RUNDC3B: variants seen among roughly 807,000 people sequenced by gnomAD.
The protein encoded by RUNDC3B is RUN domain-containing protein 3B.
RUNDC3B carries 33 observed loss-of-function variants against 58.4 expected under a neutral mutation model. The observed-to-expected ratio is 0.56, with a 90% CI of 0.43 to 0.75. The LOEUF (loss-of-function observed/expected upper bound fraction) is 0.75, where lower values mean the gene tolerates loss of function less well. Ranked by LOEUF, RUNDC3B falls within the 30% of genes least tolerant of loss-of-function variation. The pLI is 0.00. For missense variants in RUNDC3B, 501 were observed against 535.7 expected, an observed-to-expected ratio of 0.94 and a Z score of 0.64; for synonymous variants, 193 against 195.2, an observed-to-expected ratio of 0.99 and a Z score of 0.10.
At chr7:87,697,432 T>A (rs1014835675) in intron 2 of RUNDC3B, among the ~76,000 whole-genome samples, 61 of 152,206 alleles carry the variant, frequency 4.0e-4, no homozygotes, top group Non-Finnish European at 7.2e-4. Context: ...TGATCCCAGA[T>A]AATAGAAGTC....
chr7:87,664,183 AG>A (rs1168037930), intron 2 of RUNDC3B, among the ~76,000 whole-genome samples: 1 of 152,062 alleles, frequency 6.6e-6, no homozygotes, highest in Admixed American at 6.6e-5. Context: ...CAGGGTAGCC[AG>A]GCATGGTGGC....
At chr7:87,638,308 TTA>T (rs1822025603) in intron 1 of RUNDC3B, among the ~76,000 whole-genome samples, 1 of 151,716 alleles carries the variant, frequency 6.6e-6, no homozygotes, top group African/African-American at 2.4e-5. Context: ...GTCATTAAGA[TTA>T]TTTGGCTTTA....
chr7:87,686,491 T>A, intron 2 of RUNDC3B, among the ~76,000 whole-genome samples: 1 of 152,188 alleles, frequency 6.6e-6, no homozygotes, highest in East Asian at 1.9e-4. Flanking sequence ...TGACTTTGAT[T>A]ATTTATGGAC....
intron 10 of RUNDC3B, among the ~76,000 whole-genome samples, chr7:87,818,513 T>A (rs779308440): frequency 3.9e-5 from 6 of 152,156 alleles, no homozygotes; most frequent in Non-Finnish European, 7.3e-5. Context: ...TTTTGGACAG[T>A]TGAGACAATG....
chr7:87,783,426 G>C (rs1292501070), intron 8 of RUNDC3B, among the ~76,000 whole-genome samples: 1 of 152,120 alleles, frequency 6.6e-6, no homozygotes, highest in South Asian at 2.1e-4. Flanking sequence ...CTTGAAGATA[G>C]CAAGTGGTTG....
Position 87,768,482 on chromosome 7 carries a change from C to G in RUNDC3B, c.630-2099C>G, listed in dbSNP as rs78416827. On this transcript the variant is annotated intron_variant, in intron 6 of 10. Coordinates refer to ENST00000394654, the MANE Select transcript of RUNDC3B (RefSeq NM_001134405.2). ...CTGAATCTGCACAACGAGTATCGCA[C>G]CCACTGCTTCAGCTCAGGTTTGGGG... is the stretch of plus-strand genomic sequence containing the variant. 1.3e-4 allele frequency among the ~76,000 whole-genome samples: 20 copies of G among 152,336 alleles called. No individual in the cohort carries two copies. In the East Asian group the frequency reaches 3.7e-3, roughly 28 times the overall value.
intron 8 of RUNDC3B, among the ~76,000 whole-genome samples, chr7:87,781,618 G>T (rs541060815): frequency 1.3e-5 from 2 of 152,202 alleles, no homozygotes; most frequent in East Asian, 3.9e-4. Context: ...TTGGCTGTGG[G>T]TTTGTCATAG....
chr7:87,802,096 A>C (rs549875497), intron 8 of RUNDC3B, among the ~76,000 whole-genome samples: 1 of 152,356 alleles, frequency 6.6e-6, no homozygotes, highest in Non-Finnish European at 1.5e-5. Flanking sequence ...GTACTTAGTC[A>C]AGATAAACTA....
In RUNDC3B at chr7:87,654,206, T is replaced by C. The variant is rs139937308; in HGVS notation, c.238+3269T>C. ...TGAAATCTCCACCAAAATTTCAGGGTCATTTTTCACAGAAATAAAAAAGAC... is the reference window on the plus strand; with the variant it reads ...TGAAATCTCCACCAAAATTTCAGGGCCATTTTTCACAGAAATAAAAAAGAC... On this transcript the variant is annotated intron_variant, in intron 2 of 10. Transcript: ENST00000394654. Among the ~76,000 whole-genome samples the C allele has an allele frequency of 1.6e-4, 25 of 152,012 alleles. No homozygotes were observed. The East Asian group carries it at 4.6e-3, about 28-fold the overall frequency.
At chr7:87,645,635 T>A (rs1414959837) in intron 1 of RUNDC3B, among the ~76,000 whole-genome samples, 3 of 152,216 alleles carry the variant, frequency 2.0e-5, no homozygotes, top group Admixed American at 6.5e-5. Context: ...AGATGACTAA[T>A]ATTAATGTCA....
chr7:87,770,791 T>TATTGCC, intron 7 of RUNDC3B, 42 bp downstream of exon 7: 1 of 1,434,220 alleles, frequency 7.0e-7, no homozygotes, highest in African/African-American at 1.4e-5. Context: ...TTATTCTAGT[T>TATTGCC]ATTGCCTTTG....
At chr7:87,818,997 C>T (rs545543602) in intron 10 of RUNDC3B, among the ~76,000 whole-genome samples, 2 of 152,236 alleles carry the variant, frequency 1.3e-5, no homozygotes, top group South Asian at 2.1e-4. Flanking sequence ...CAAGGGGGAA[C>T]GAGCTATGGG....
At chr7:87,637,144 A>G (rs1410535140) in intron 1 of RUNDC3B, among the ~76,000 whole-genome samples, 2 of 152,164 alleles carry the variant, frequency 1.3e-5, no homozygotes, top group African/African-American at 4.8e-5. Context: ...GGGAACTACA[A>G]TTCAAGATGA....
At chr7:87,822,910 G>A (rs890484020) in intron 10 of RUNDC3B, among the ~76,000 whole-genome samples, 24 of 152,146 alleles carry the variant, frequency 1.6e-4, no homozygotes, top group Non-Finnish European at 2.8e-4. Flanking sequence ...AGTGGGGAGG[G>A]ATAGCATTAG....
intron 3 of RUNDC3B, among the ~76,000 whole-genome samples, chr7:87,704,912 T>TA (rs1829453450): frequency 6.6e-6 from 1 of 152,224 alleles, no homozygotes. Flanking sequence ...TATTGAGGCT[T>TA]ACAGCTGCAA....
At chr7:87,648,022 A>G (rs1377762660) in intron 1 of RUNDC3B, among the ~76,000 whole-genome samples, 1 of 151,722 alleles carries the variant, frequency 6.6e-6, no homozygotes, top group African/African-American at 2.4e-5. Flanking sequence ...GCCTCTACTA[A>G]AAAATACAAA....
At chr7:87,684,387 G>A (rs986355156) in intron 2 of RUNDC3B, among the ~76,000 whole-genome samples, 9 of 152,144 alleles carry the variant, frequency 5.9e-5, no homozygotes, top group African/African-American at 2.2e-4. Flanking sequence ...TTTCATGAAG[G>A]AAGAACTAAG....
intron 8 of RUNDC3B, among the ~76,000 whole-genome samples, chr7:87,793,849 G>A (rs1217481907): frequency 6.6e-6 from 1 of 152,038 alleles, no homozygotes; most frequent in African/African-American, 2.4e-5. Flanking sequence ...TCAGAGAAGG[G>A]AAAGAAACAA....
intron 8 of RUNDC3B, among the ~76,000 whole-genome samples, chr7:87,782,470 C>T (rs190961163): frequency 2.6e-4 from 40 of 151,806 alleles, no homozygotes; most frequent in Admixed American, 2.2e-3. Context: ...CAGTTTTGTT[C>T]AGTTCTGCTC....
Sources: allele counts gnomAD v4.1 joint callset (sites outside exome capture counted in the v4.1 genomes callset), GRCh38; gene constraint gnomAD v4.1.1; transcripts MANE v1.5; gene names NCBI Gene and HGNC (gene_info 2026-07-23, HGNC 2026-07-21).